Variants in RHOBTB2 observed in about 807,000 individuals in gnomAD.
RHOBTB2 encodes the protein rho-related BTB domain-containing protein 2.
A neutral mutation model predicts 66.5 loss-of-function variants in RHOBTB2; 39 were observed. The ratio of observed to expected loss-of-function variants is 0.59; its 90% CI spans 0.45 to 0.77. The LOEUF (loss-of-function observed/expected upper bound fraction) is 0.77. RHOBTB2 is among the 30% of genes least tolerant of loss of function. RHOBTB2 has a pLI of 0.00. For synonymous variants in RHOBTB2, 390 were observed against 395.0 expected (o/e 0.99, Z 0.15); for missense variants, 755 against 999.1 (o/e 0.76, Z 3.29).
Position 22,993,255 on chromosome 8 carries a change from G to C in RHOBTB2, c.-24+1075G>C, listed in dbSNP as rs1209498882. On this transcript the variant is annotated intron_variant, in intron 2 of 11. Coordinates refer to the RHOBTB2 transcript ENST00000519685. Reference sequence around the variant, plus strand: ...GTGCACTGCAGCCTCGAACTCCTGGGCTCAAGAGATCCTCCCGCCTCAGCC... The same window carrying C: ...GTGCACTGCAGCCTCGAACTCCTGGCCTCAAGAGATCCTCCCGCCTCAGCC... 2.0e-5 allele frequency among the ~76,000 whole-genome samples: 3 copies of C among 152,172 alleles called. No individual in the cohort carries two copies. The East Asian group carries it at 5.8e-4, about 29-fold the overall frequency.
chr8:23,014,488 C>T (rs1052557404), intron 7 of RHOBTB2, among the ~76,000 whole-genome samples: 2 of 152,218 alleles, frequency 1.3e-5, no homozygotes, highest in Non-Finnish European at 1.5e-5. Context: ...TCTCTTCCTA[C>T]CCTACCCCGT....
chr8:23,001,216 G>A (rs1810769015), intron 1 of RHOBTB2, among the ~76,000 whole-genome samples: 1 of 152,126 alleles, frequency 6.6e-6, no homozygotes, highest in South Asian at 2.1e-4. Flanking sequence ...TGATGCCCAG[G>A]GCTGGGTGGT....
the RHOBTB2 span, among the ~76,000 whole-genome samples, chr8:22,968,825 CAT>C: frequency 6.7e-6 from 1 of 149,424 alleles, no homozygotes; most frequent in Middle Eastern, 3.2e-3. Context: ...AAAAGTATAA[CAT>C]AATGAGAAGA....
rs778224382 is a variant in RHOBTB2 at position 23,007,232 on chromosome 8, T to TCACCACCAC, written c.993_1001dup (p.His332_His334dup). On this transcript the variant is annotated inframe_insertion, in exon 5 of 10. Coordinates refer to ENST00000251822, the MANE Select transcript of RHOBTB2 (RefSeq NM_015178.3). ...GCCACTCTGATCAACACCACCACCATCACCACCACCACCATGGGCGAGACT... is the reference window on the plus strand; with the variant it reads ...GCCACTCTGATCAACACCACCACCATCACCACCACCACCACCACCACCATGGGCGAGACT... 1 of 1,609,428 alleles carries TCACCACCAC rather than the reference T, an allele frequency of 6.2e-7. No individual in the cohort carries two copies. The highest frequency in any genetic ancestry group is 1.3e-5 in the African/African-American group (1 of 74,810).
At position 23,004,502 on chromosome 8, in the gene RHOBTB2, A is replaced by G. The variant is rs1394162665; in HGVS notation, c.68A>G (p.Asn23Ser). The G allele has an allele frequency of 6.2e-7, 1 of 1,614,216 alleles. No homozygotes were observed. Among genetic ancestry groups the G allele is most frequent in the Non-Finnish European group, 8.5e-7 (1 of 1,180,046 alleles). Residue 23 changes from asparagine (N) to serine (S), a missense_variant, in exon 2 of 10, where the codon AAC becomes AGC. Asn to Ser is a conservative substitution (Grantham distance 46). Transcript: ENST00000251822. The surrounding 1 kb of genome is among the most constrained non-coding windows in gnomAD (Gnocchi z 6.4). The part of the protein sequence containing the change: ...ETIKCVVVGD[N>S]AVGKTRLICA... ...ATCAAGTGCGTTGTGGTGGGGGACA[A>G]CGCCGTGGGTAAGACCAGGCTCATC...
chr8:23,004,704 G>A lies in RHOBTB2; in HGVS notation c.192+78G>A. On this transcript the variant is annotated intron_variant, in intron 2 of 9. Transcript: ENST00000251822. The surrounding 1 kb of genome is among the most constrained non-coding windows in gnomAD (Gnocchi z 6.4). ...GGGGCTTCCTGAGGCATAGCTTGGT[G>A]TCTCCAGAGCTCACGGGAGCCCTCT... 1 of 1,394,960 alleles carries A rather than the reference G, an allele frequency of 7.2e-7. No homozygotes were observed. Among genetic ancestry groups the A allele is most frequent in the Non-Finnish European group, 9.8e-7 (1 of 1,016,458 alleles). The allele number at this position is 1,394,960 out of a possible 1,614,324, so 86.4% of individuals were successfully genotyped here. A position where few individuals can be genotyped will look rare whatever the true frequency, so the allele number is the denominator to read the frequency against.
the RHOBTB2 span, among the ~76,000 whole-genome samples, chr8:22,961,835 G>A: frequency 6.6e-6 from 1 of 152,038 alleles, no homozygotes; most frequent in Non-Finnish European, 1.5e-5. Context: ...ACTGAACCCT[G>A]ACAAATGCAA....
At chr8:22,976,305 A>T in the RHOBTB2 span, among the ~76,000 whole-genome samples, 1 of 152,204 alleles carries the variant, frequency 6.6e-6, no homozygotes, top group Non-Finnish European at 1.5e-5. Context: ...TGGGTATCAC[A>T]GTTTGAAAAC....
In RHOBTB2 at chr8:23,018,779, CA is replaced by C. The variant is rs1261302080; in HGVS notation, c.*1314del. The C allele has an allele frequency of 1.3e-5, 2 of 152,566 alleles. No individual in the cohort carries two copies. Among genetic ancestry groups the C allele is most frequent in the East Asian group, 1.9e-4 (1 of 5,202 alleles). The allele number at this position is 152,566 out of a possible 1,614,324, so 9.5% of individuals were successfully genotyped here. On this transcript the variant is annotated 3_prime_UTR_variant, in exon 10 of 10. Coordinates refer to ENST00000251822, the MANE Select transcript of RHOBTB2 (RefSeq NM_015178.3). ...GTTTTTGCGGGGCTGCAATAGGGGC[CA>C]AAAGTCAGGGAAAGGGGCACTGACC...
At chr8:22,966,489 G>A in the RHOBTB2 span, among the ~76,000 whole-genome samples, 1 of 151,090 alleles carries the variant, frequency 6.6e-6, no homozygotes, top group African/African-American at 2.4e-5. Context: ...TATGTGAAAA[G>A]ATGCTCAACA....
chr8:22,959,429 G>A, the RHOBTB2 span, among the ~76,000 whole-genome samples: 2 of 151,650 alleles, frequency 1.3e-5, no homozygotes, highest in South Asian at 4.2e-4. Flanking sequence ...TTTTTTGTTT[G>A]TTTTAGTAGA....
At chr8:23,000,687 G>A (rs1472580669) in intron 1 of RHOBTB2, among the ~76,000 whole-genome samples, 3 of 152,120 alleles carry the variant, frequency 2.0e-5, no homozygotes, top group African/African-American at 7.2e-5. Flanking sequence ...GATCTGCACG[G>A]GGCTTCTTGC....
In RHOBTB2 at chr8:23,006,093, C is replaced by T; in HGVS notation, c.430C>T (p.Leu144=). 1 of 1,613,918 alleles carries T rather than the reference C, an allele frequency of 6.2e-7. No homozygotes were observed. Residue 144 remains leucine (L), a synonymous_variant, in exon 4 of 10, where the codon CTG becomes TTG. Coordinates refer to ENST00000251822, the MANE Select transcript of RHOBTB2 (RefSeq NM_015178.3). This position sits in a 1 kb window ranked among gnomAD's most constrained non-coding sequence, Gnocchi z 6.1. ...PVILVGCQLD[L]RYADLEAVNR... The stretch of plus-strand genomic sequence containing the variant: ...CATCTTGGTGGGCTGCCAGTTGGAC[C>T]TGCGCTACGCTGACCTGGAGGCTGT...
At chr8:22,956,380 T>C in the RHOBTB2 span, among the ~76,000 whole-genome samples, 3 of 152,198 alleles carry the variant, frequency 2.0e-5, no homozygotes, top group Non-Finnish European at 2.9e-5. Context: ...CAGTTTCTTA[T>C]GAGAGGTTTA....
At chr8:22,998,908 T>C (rs1336925190), upstream of RHOBTB2, 1 of 152,108 alleles carries the variant, frequency 6.6e-6, no homozygotes, top group African/African-American at 2.4e-5. Flanking sequence ...ACTCACTTCA[T>C]GGTGTTTCTT....
chr8:22,993,469 G>A (rs775251155), intron 2 of RHOBTB2, among the ~76,000 whole-genome samples: 6 of 152,192 alleles, frequency 3.9e-5, no homozygotes, highest in African/African-American at 7.2e-5. Context: ...GTGAGGGGGA[G>A]CAGGCACAAG....
upstream of RHOBTB2, among the ~76,000 whole-genome samples, chr8:22,998,576 A>C (rs1456028534): frequency 2.0e-5 from 3 of 152,122 alleles, no homozygotes; most frequent in Non-Finnish European, 4.4e-5. Flanking sequence ...TCTACCAAAA[A>C]TACATAAATT....
rs539009806 is a variant in RHOBTB2, at chr8:23,017,457, G to A, written c.2172G>A (p.Ser724=). 1.5e-5 allele frequency: 24 copies of A among 1,587,456 alleles called. No individual in the cohort carries two copies. Among genetic ancestry groups the A allele is most frequent in the East Asian group, 9.3e-5 (4 of 43,236 alleles). Reference sequence around the variant, plus strand: ...CCTCCTCATCCCCATCTTCCTCCTCGGCTGTGGTCTGAGATGCTGCCACCC... The same window carrying A: ...CCTCCTCATCCCCATCTTCCTCCTCAGCTGTGGTCTGAGATGCTGCCACCC... ...AASSSSPSSS[S]AVV is the part of the protein sequence containing the mutation. Residue 724 remains serine, a synonymous_variant, in exon 10 of 10, where the codon TCG becomes TCA. Transcript: ENST00000251822. The surrounding 1 kb of genome is among the most constrained non-coding windows in gnomAD (Gnocchi z 5.3).
At position 23,004,488 on chromosome 8, in the gene RHOBTB2, TGTG is replaced by T; in HGVS notation, c.59_61del (p.Val20del). On this transcript the variant is annotated inframe_deletion, in exon 2 of 10. Transcript: ENST00000251822. The surrounding 1 kb of genome is among the most constrained non-coding windows in gnomAD (Gnocchi z 6.4). ...CAAACGTAGAGACCATCAAGTGCGT[TGTG>T]GTGGGGGACAACGCCGTGGGTAAGA... 1.2e-6 allele frequency: 2 copies of T among 1,614,180 alleles called. No homozygotes were observed. The highest frequency in any genetic ancestry group is 1.7e-6 in the Non-Finnish European group (2 of 1,180,016).
Sources: gnomAD v4.1 joint callset for allele counts (sites outside exome capture counted in the v4.1 genomes callset) on GRCh38, gnomAD v4.1.1 for gene constraint, Gnocchi (gnomAD v3.1) non-coding constraint, MANE v1.5 for transcripts, NCBI Gene and HGNC (gene_info 2026-07-23, HGNC 2026-07-21) for gene names.